Variants in HLCS observed in about 807,000 individuals in gnomAD.
The protein encoded by HLCS is biotin--protein ligase.
In HLCS, 53 loss-of-function variants were observed where a neutral mutation model predicts 75.0. That is an observed-to-expected ratio of 0.71 (90% CI 0.57 to 0.89). HLCS has a LOEUF of 0.89. Among genes scored for constraint, HLCS ranks in the 40% least tolerant of loss-of-function variants. HLCS has a pLI of 0.00. For missense variants in HLCS, 966 were observed against 1,074.0 expected (o/e 0.90, Z 1.41); for synonymous variants, 431 against 428.6 (o/e 1.01, Z -0.07).
chr21:36,830,798 G>A (rs1174056022), intron 6 of HLCS, among the ~76,000 whole-genome samples: 2 of 146,640 alleles, frequency 1.4e-5, no homozygotes, highest in East Asian at 4.0e-4. Context: ...CTCCAGCCTG[G>A]GCAACAGAGT....
intron 2 of HLCS, among the ~76,000 whole-genome samples, chr21:36,957,247 G>C (rs1180341651): frequency 6.6e-6 from 1 of 152,030 alleles, no homozygotes; most frequent in Non-Finnish European, 1.5e-5. Flanking sequence ...GTTCTCACAA[G>C]ACCTGGTTGT....
chr21:36,854,826 A>G (rs1469593129), intron 6 of HLCS, among the ~76,000 whole-genome samples: 1 of 152,252 alleles, frequency 6.6e-6, no homozygotes, highest in Non-Finnish European at 1.5e-5. Context: ...ACACACATTT[A>G]GATGAAATAC....
At chr21:36,989,631 A>G (rs2069303913) in intron 1 of HLCS, among the ~76,000 whole-genome samples, 1 of 152,028 alleles carries the variant, frequency 6.6e-6, no homozygotes, top group Admixed American at 6.5e-5. Context: ...GCCCGGCCCC[A>G]GCTTCCGTTT....
rs575446767 is a variant in HLCS at position 36,842,160 on chromosome 21, T to G, written c.1892+54700A>C. On this transcript the variant is annotated intron_variant, in intron 6 of 10. Transcript: ENST00000674895. This position sits in a 1 kb window ranked among gnomAD's most constrained non-coding sequence, Gnocchi z 4.2. ...TTTATGGCAATGAGAATGAACAAAC[T>G]ATAGCAACAACACAGATGACAAGTC... 6.6e-6 allele frequency among the ~76,000 whole-genome samples: 1 copy of G among 152,264 alleles called. No homozygotes were observed. Among genetic ancestry groups the G allele is most frequent in the African/African-American group, 2.4e-5 (1 of 41,552 alleles).
intron 6 of HLCS, among the ~76,000 whole-genome samples, chr21:36,884,453 C>T (rs2064362235): frequency 6.6e-6 from 1 of 152,258 alleles, no homozygotes; most frequent in Admixed American, 6.5e-5. Flanking sequence ...TTCTAATAAA[C>T]TCAGGCTGGT....
chr21:36,942,086 T>G (rs1209000464), intron 2 of HLCS, among the ~76,000 whole-genome samples: 15 of 149,584 alleles, frequency 1.0e-4, no homozygotes, highest in African/African-American at 2.7e-4. Flanking sequence ...GCTAGGAGAA[T>G]TGCTTCAACT....
intron 6 of HLCS, among the ~76,000 whole-genome samples, chr21:36,779,412 A>T (rs1376224058): frequency 6.6e-6 from 1 of 152,058 alleles, no homozygotes; most frequent in African/African-American, 2.4e-5. Flanking sequence ...TTTGAAAACC[A>T]TAAGTTCATC....
chr21:36,763,255 C>G (rs1310601466), intron 8 of HLCS, among the ~76,000 whole-genome samples: 1 of 152,130 alleles, frequency 6.6e-6, no homozygotes, highest in Non-Finnish European at 1.5e-5. Flanking sequence ...AAACTCCTGC[C>G]CTCCTCAACC....
At chr21:36,830,907 C>T (rs918611145) in intron 6 of HLCS, among the ~76,000 whole-genome samples, 14 of 151,312 alleles carry the variant, frequency 9.3e-5, no homozygotes, top group African/African-American at 3.2e-4. Context: ...GGTATCTACC[C>T]TAGTTATCCC....
intron 1 of HLCS, among the ~76,000 whole-genome samples, chr21:36,965,924 T>TTTTTGTTTTG (rs113964165): frequency 6.7e-6 from 1 of 150,142 alleles, no homozygotes. Context: ...CTAAGTGTTT[T>TTTTTGTTTTG]TTTTGTTTTG....
At chr21:36,910,977 C>T (rs937335322) in intron 5 of HLCS, among the ~76,000 whole-genome samples, 1 of 152,204 alleles carries the variant, frequency 6.6e-6, no homozygotes, top group Non-Finnish European at 1.5e-5. Flanking sequence ...TGAAACCAGT[C>T]CATTTTCACA....
chr21:36,949,326 G>GTCA (rs2067560831), intron 2 of HLCS, among the ~76,000 whole-genome samples: 2 of 152,234 alleles, frequency 1.3e-5, no homozygotes, highest in African/African-American at 4.8e-5. Flanking sequence ...AGATGCCTCT[G>GTCA]TCACTGAGCT....
rs761596791 is a variant in HLCS, at chr21:36,754,357, G to A, written c.2511C>T (p.Asp837=). 6.2e-6 allele frequency: 10 copies of A among 1,613,866 alleles called. No homozygotes were observed. In the East Asian group the frequency reaches 1.6e-4, roughly 25 times the overall value. Residue 837 remains aspartate, a synonymous_variant, in exon 11 of 11, where the codon GAC becomes GAT. Transcript: ENST00000674895. The stretch of plus-strand genomic sequence containing the variant: ...GGTGAACCTGGAGGAAGCCAGAATC[G>A]TCCAGGCCAACGATGGACACCTTTG... ...EGPKVSIVGL[D]DSGFLQVHQE...
rs911599606 is a variant in HLCS at position 36,966,544 on chromosome 21, G to C, written c.95C>G (p.Ser32Trp). Residue 32 changes from serine to tryptophan, a missense_variant, in exon 1 of 11, where the codon TCG becomes TGG. By Grantham distance (177) the Ser-to-Trp change is radical. Coordinates refer to ENST00000674895, the MANE Select transcript of HLCS (RefSeq NM_001352514.2). The stretch of plus-strand genomic sequence containing the variant: ...GCCGCAGAAGGTGAAGGAACAGCGC[G>C]AGGCACGCAGCCGCCGCACCGTGGC... ...VRATVRRLRA[S>W]RCSFTFCGAA... 5 of 1,001,044 alleles carry C rather than the reference G, an allele frequency of 5.0e-6. No individual in the cohort carries two copies. The African/African-American group carries it at 8.7e-5, about 17-fold the overall frequency. The allele number at this position is 1,001,044 out of a possible 1,614,324, so 62.0% of individuals were successfully genotyped here.
intron 5 of HLCS, among the ~76,000 whole-genome samples, chr21:36,918,537 G>T (rs907199430): frequency 3.3e-5 from 5 of 152,164 alleles, no homozygotes; most frequent in Admixed American, 6.5e-5. Context: ...GAAAGTGGCT[G>T]GGTCAAAGGC....
chr21:36,765,777 A>T (rs2090009178), intron 7 of HLCS, among the ~76,000 whole-genome samples: 1 of 152,194 alleles, frequency 6.6e-6, no homozygotes, highest in Admixed American at 6.5e-5. Context: ...CCTCCCAAGT[A>T]ACTGGGATTA....
chr21:36,966,425 G>GGGGCC lies in HLCS; in HGVS notation c.195+18_195+19insGGCCC. 1.8e-3 allele frequency: 343 copies of GGGGCC among 195,228 alleles called. No homozygotes were observed. Among genetic ancestry groups the GGGGCC allele is most frequent in the Non-Finnish European group, 2.7e-3 (319 of 116,494 alleles). The allele number at this position is 195,228 out of a possible 1,614,324, so 12.1% of individuals were successfully genotyped here. A position where few individuals can be genotyped will look rare whatever the true frequency, so the allele number is the denominator to read the frequency against. ...CCGGCTCGCGGGGCCCGGGTCGCCC[G>GGGGCC]CCCGCCCGACCCGCCCACCTGGCTG... On this transcript the variant is annotated intron_variant, in intron 1 of 10. Transcript: ENST00000674895.
chr21:36,859,673 G>A (rs1018260368), intron 6 of HLCS, among the ~76,000 whole-genome samples: 2 of 152,234 alleles, frequency 1.3e-5, no homozygotes, highest in African/African-American at 4.8e-5. Flanking sequence ...AAGTTGTCTT[G>A]TGGTTAAAGG....
At chr21:36,774,168 G>A (rs987902428) in intron 6 of HLCS, among the ~76,000 whole-genome samples, 1 of 152,190 alleles carries the variant, frequency 6.6e-6, no homozygotes, top group Non-Finnish European at 1.5e-5. Flanking sequence ...CTTCTGACAG[G>A]TGACTTCTGA....
Sources: gnomAD v4.1 joint callset for allele counts (sites outside exome capture counted in the v4.1 genomes callset) on GRCh38, gnomAD v4.1.1 for gene constraint, Gnocchi (gnomAD v3.1) non-coding constraint, MANE v1.5 for transcripts, NCBI Gene and HGNC (gene_info 2026-07-23, HGNC 2026-07-21) for gene names.